The following ARHGEF19 variants were observed in gnomAD, a reference collection of about 807,000 sequenced individuals.
ARHGEF19 encodes the protein Rho guanine nucleotide exchange factor (GEF) 19.
ARHGEF19 carries 92 observed loss-of-function variants against 87.6 expected under a neutral mutation model. That is an observed-to-expected ratio of 1.05 (90% CI 0.89 to 1.25). The LOEUF (loss-of-function observed/expected upper bound fraction) is 1.25, where lower values mean the gene tolerates loss of function less well. ARHGEF19 is among the 50% of genes most tolerant of loss of function. The pLI is 0.00. For missense variants in ARHGEF19, 1,054 were observed against 1,051.8 expected (o/e 1.00, Z -0.03); for synonymous variants, 438 against 446.2 (o/e 0.98, Z 0.23).
At chr1:16,204,990 G>A in intron 11 of ARHGEF19, 71 bp from the exon 12 acceptor site, 1 of 1,564,604 alleles carries the variant, frequency 6.4e-7, no homozygotes, top group Non-Finnish European at 8.7e-7. Context: ...TAGATGGGAG[G>A]GTGTGGGCAG....
At position 16,207,400 on chromosome 1, in the gene ARHGEF19, A is replaced by C. The variant is rs2081150299; in HGVS notation, c.874+122T>G. On this transcript the variant is annotated intron_variant, in intron 5 of 15. Coordinates refer to ENST00000270747, the MANE Select transcript of ARHGEF19 (RefSeq NM_153213.5). This position sits in a 1 kb window ranked among gnomAD's most constrained non-coding sequence, Gnocchi z 4.0. ...CACCTACTGAGTGCTAGATACCGACAGTTCCATTCTCCGTTTCTCACTCGA... is the reference window on the plus strand; with the variant it reads ...CACCTACTGAGTGCTAGATACCGACCGTTCCATTCTCCGTTTCTCACTCGA... 2.9e-6 allele frequency: 4 copies of C among 1,381,946 alleles called. No individual in the cohort carries two copies. The highest frequency in any genetic ancestry group is 3.9e-6 in the Non-Finnish European group (4 of 1,012,886). The allele number at this position is 1,381,946 out of a possible 1,614,324, so 85.6% of individuals were successfully genotyped here. A position where few individuals can be genotyped will look rare whatever the true frequency, so the allele number is the denominator to read the frequency against.
Position 16,205,994 on chromosome 1 carries a change from C to T in ARHGEF19, c.1388G>A (p.Arg463His), listed in dbSNP as rs201371795. 586 of 1,609,766 alleles carry T rather than the reference C, an allele frequency of 3.6e-4. 2 individuals carry two copies. The highest frequency in any genetic ancestry group is 1.4e-3 in the South Asian group (127 of 90,254). The change falls in exon 8 of 16, where the codon CGC becomes CAC. Residue 463 changes from arginine to histidine, a missense_variant. By Grantham distance (29) the Arg-to-His change is conservative. Transcript: ENST00000270747. The surrounding 1 kb of genome is among the most constrained non-coding windows in gnomAD (Gnocchi z 5.8). ...GGTGACATAGGGCAGGTAGACTCTG[C>T]GGAAGGCCGGGCAGTGGTCCAGCAC... ...DVVLDHCPAF[R>H]RVYLPYVTNQ...
Position 16,205,242 on chromosome 1 carries a change from C to T in ARHGEF19, c.1657-66G>A. On this transcript the variant is annotated intron_variant, in intron 10 of 15. Transcript: ENST00000270747. The surrounding 1 kb of genome is among the most constrained non-coding windows in gnomAD (Gnocchi z 5.8). ...CCGGCTCCCAGAGCCCAGCCTCAGA[C>T]TCTTGCCTGGGGACCGGAGACTCTG... The T allele has an allele frequency of 6.3e-7, 1 of 1,597,440 alleles. No individual in the cohort carries two copies. The highest frequency in any genetic ancestry group is 1.1e-5 in the South Asian group (1 of 89,624).
intron 14 of ARHGEF19, among the ~76,000 whole-genome samples, chr1:16,200,105 T>C (rs2081071836): frequency 6.6e-6 from 1 of 152,182 alleles, no homozygotes; most frequent in Non-Finnish European, 1.5e-5. Flanking sequence ...GTGGGACTCC[T>C]AGCTCAAGCC....
In ARHGEF19 at chr1:16,198,988, A is replaced by G. The variant is rs748871216; in HGVS notation, c.2251+162T>C. Among the ~76,000 whole-genome samples, 1 of 152,028 alleles carries G rather than the reference A, an allele frequency of 6.6e-6. No individual in the cohort carries two copies. On this transcript the variant is annotated intron_variant, in intron 15 of 15. Transcript: ENST00000270747. This position sits in a 1 kb window ranked among gnomAD's most constrained non-coding sequence, Gnocchi z 4.1. ...ACTCTCCCCCATCACTCTCCATCCT[A>G]TATCTTTACAAGCAGGAAGTTCCTC...
chr1:16,212,258 C>T (rs1054155727), intron 1 of ARHGEF19, among the ~76,000 whole-genome samples: 5 of 152,140 alleles, frequency 3.3e-5, no homozygotes, highest in Admixed American at 1.3e-4. Context: ...CTCCCGGGTG[C>T]CCCTTGCCTT....
chr1:16,204,743 G>A lies in ARHGEF19; in HGVS notation c.1907+16C>T. 3 of 1,566,344 alleles carry A rather than the reference G, an allele frequency of 1.9e-6. No individual in the cohort carries two copies. The highest frequency in any genetic ancestry group is 2.6e-6 in the Non-Finnish European group (3 of 1,151,720). ...GGCTCCACTTTACCTACCCACCCCT[G>A]ACTGCCCCGACTCACTCCTTCCGCC... On this transcript the variant is annotated intron_variant, in intron 12 of 15. Transcript: ENST00000270747.
chr1:16,199,424 AC>A (rs982746435), intron 14 of ARHGEF19, among the ~76,000 whole-genome samples, 170 bp from the exon 15 acceptor site: 5 of 151,926 alleles, frequency 3.3e-5, no homozygotes, highest in African/African-American at 1.2e-4. Context: ...AAGCAGGCAT[AC>A]CCTCTGCCCA....
rs1310669864 is a variant in ARHGEF19, at chr1:16,207,074, G to C, written c.1011C>G (p.Pro337=). ...AGCGCTGCGCCCGGAAGGAGCTGCT[G>C]GGGGAGAGGTTGGCCCGCGGCGGCC... ...GPGPPRANLS[P]SSSFRAQRSA... The change falls in exon 6 of 16, where the codon CCC becomes CCG. Residue 337 remains proline, a synonymous_variant. Transcript: ENST00000270747. The surrounding 1 kb of genome is among the most constrained non-coding windows in gnomAD (Gnocchi z 4.0). 1.3e-6 allele frequency: 2 copies of C among 1,509,520 alleles called. No homozygotes were observed. The highest frequency in any genetic ancestry group is 1.5e-5 in the African/African-American group (1 of 68,670). The allele number at this position is 1,509,520 out of a possible 1,614,324, so 93.5% of individuals were successfully genotyped here.
chr1:16,208,890 T>C lies in ARHGEF19; in HGVS notation c.165A>G (p.Pro55=). Residue 55 remains proline, a synonymous_variant, in exon 2 of 16, where the codon CCA becomes CCG. Coordinates refer to ENST00000270747, the MANE Select transcript of ARHGEF19 (RefSeq NM_153213.5). The stretch of plus-strand genomic sequence containing the variant: ...GGCTGCCAGGAGCCCGAAGCTCCTC[T>C]GGGGCAACAGGGAAAAGGTCCAGAC... ...PVCLDLFPVA[P]EELRAPGSRW... is the part of the protein sequence containing the mutation. The C allele has an allele frequency of 6.2e-7, 1 of 1,602,102 alleles. No homozygotes were observed. The highest frequency in any genetic ancestry group is 8.5e-7 in the Non-Finnish European group (1 of 1,176,224).
chr1:16,202,362 G>T (rs2081090676), intron 13 of ARHGEF19, 54 bp downstream of exon 13: 3 of 1,534,304 alleles, frequency 2.0e-6, no homozygotes, highest in Non-Finnish European at 8.8e-7. Context: ...TGGGGACGGG[G>T]TGCCTGTCAT....
rs757095406 is a variant in ARHGEF19, at chr1:16,206,080, G to C, written c.1302C>G (p.Phe434Leu). The C allele has an allele frequency of 1.1e-5, 18 of 1,579,040 alleles. No homozygotes were observed. In the African/African-American group the frequency reaches 2.1e-4, roughly 19 times the overall value. Residue 434 changes from phenylalanine (F) to leucine (L), a missense_variant, in exon 8 of 16, where the codon TTC becomes TTG. Transcript: ENST00000270747. This position sits in a 1 kb window ranked among gnomAD's most constrained non-coding sequence, Gnocchi z 4.6. ...CCAGCCGCTGCTCCAGGTCCTGCAG[G>C]AACCTGAGGAGTCAGAGCCAGGATG... ...LPEVKSTSER[F>L]LQDLEQRLEA...
Position 16,206,278 on chromosome 1 carries a change from G to T in ARHGEF19, c.1200C>A (p.Gly400=). Residue 400 remains glycine, a synonymous_variant, in exon 7 of 16, where the codon GGC becomes GGA. Coordinates refer to ENST00000270747, the MANE Select transcript of ARHGEF19 (RefSeq NM_153213.5). The surrounding 1 kb of genome is among the most constrained non-coding windows in gnomAD (Gnocchi z 4.6). ...TCAGCTCGGCAGAGCCTAAGAAGTG[G>T]CCCACAGCCACCGACAGGCTGTGGA... ...SYIHSLSVAV[G]HFLGSAELSE... 1.3e-6 allele frequency: 2 copies of T among 1,586,020 alleles called. No homozygotes were observed. The highest frequency in any genetic ancestry group is 4.5e-5 in the East Asian group (2 of 44,028).
chr1:16,198,687 T>G lies in ARHGEF19; in HGVS notation c.2309A>C (p.Tyr770Ser), dbSNP rs1428482726. ...GCTGAGGCTGCTGATCTCTTCCACA[T>G]AGGCCTGGGGCACCCACCCCTTCTC... ...DGEKGWVPQA[Y>S]VEEISSLSAR... The change falls in exon 16 of 16, where the codon TAT (tyrosine) becomes TCT (serine). Residue 770 changes from tyrosine (Y) to serine (S), a missense_variant. Coordinates refer to ENST00000270747, the MANE Select transcript of ARHGEF19 (RefSeq NM_153213.5). This position sits in a 1 kb window ranked among gnomAD's most constrained non-coding sequence, Gnocchi z 4.1. 3.7e-6 allele frequency: 6 copies of G among 1,613,364 alleles called. No homozygotes were observed. The African/African-American group carries it at 8.0e-5, about 22-fold the overall frequency.
At chr1:16,199,376 C>A in intron 14 of ARHGEF19, 122 bp from the exon 15 acceptor site, 2 of 766,862 alleles carry the variant, frequency 2.6e-6, no homozygotes, top group Non-Finnish European at 2.2e-6. Context: ...ATTGAGGCTT[C>A]TATTCCTCTG....
rs1557542066 is a variant in ARHGEF19, at chr1:16,207,604, A to G, written c.798-6T>C. The G allele has an allele frequency of 6.2e-7, 1 of 1,613,994 alleles. No homozygotes were observed. The highest frequency in any genetic ancestry group is 8.5e-7 in the Non-Finnish European group (1 of 1,180,000). ...GCTCTTCCTGTGTGTCTAGCCTAGG[A>G]AAGAGAGAGCGTCACGGCCCTAGTT... On this transcript the variant is annotated splice_region_variant and splice_polypyrimidine_tract_variant and intron_variant, in intron 4 of 15. Coordinates refer to ENST00000270747, the MANE Select transcript of ARHGEF19 (RefSeq NM_153213.5). This position sits in a 1 kb window ranked among gnomAD's most constrained non-coding sequence, Gnocchi z 4.0.
chr1:16,205,324 A>G lies in ARHGEF19; in HGVS notation c.1656+27T>C, dbSNP rs766257973. The G allele has an allele frequency of 1.2e-6, 2 of 1,613,558 alleles. No homozygotes were observed. Among genetic ancestry groups the G allele is most frequent in the South Asian group, 2.2e-5 (2 of 91,058 alleles). On this transcript the variant is annotated intron_variant, in intron 10 of 15. Transcript: ENST00000270747. The surrounding 1 kb of genome is among the most constrained non-coding windows in gnomAD (Gnocchi z 5.8). ...GGGTCCAGGGGGGGCCTCAGGAGCC[A>G]AGCAGCCCCTGCCCTGCCCAGCTCA...
In ARHGEF19 at chr1:16,206,831, C is replaced by G; in HGVS notation, c.1137+117G>C. The G allele has an allele frequency of 7.8e-7, 1 of 1,280,524 alleles. No homozygotes were observed. Among genetic ancestry groups the G allele is most frequent in the Non-Finnish European group, 1.0e-6 (1 of 987,822 alleles). The allele number at this position is 1,280,524 out of a possible 1,614,324, so 79.3% of individuals were successfully genotyped here. On this transcript the variant is annotated intron_variant, in intron 6 of 15. Coordinates refer to ENST00000270747, the MANE Select transcript of ARHGEF19 (RefSeq NM_153213.5). This position sits in a 1 kb window ranked among gnomAD's most constrained non-coding sequence, Gnocchi z 4.6. Reference sequence around the variant, plus strand: ...AGAGCCAACCTTCCGCGCGGACAGTCGCGCCAGCAACCCCCTTTGTGTGTC... The same window carrying G: ...AGAGCCAACCTTCCGCGCGGACAGTGGCGCCAGCAACCCCCTTTGTGTGTC...
At chr1:16,212,212 G>A (rs951887083) in intron 1 of ARHGEF19, among the ~76,000 whole-genome samples, 1 of 152,210 alleles carries the variant, frequency 6.6e-6, no homozygotes, top group Non-Finnish European at 1.5e-5. Context: ...CAGAAAAAGT[G>A]TTTCTGGCCT....
Sources: allele counts gnomAD v4.1 joint callset (sites outside exome capture counted in the v4.1 genomes callset), GRCh38; gene constraint gnomAD v4.1.1; non-coding constraint Gnocchi (gnomAD v3.1); transcripts MANE v1.5; gene names NCBI Gene and HGNC (gene_info 2026-07-23, HGNC 2026-07-21).